Variants in COL14A1 observed in about 807,000 individuals in gnomAD.
COL14A1 encodes the protein collagen type XIV alpha 1 chain.
Under a neutral mutation model 230.3 loss-of-function variants are expected in COL14A1, and 136 were observed. The observed-to-expected ratio is 0.59, with a 90% confidence interval of 0.51 to 0.68. COL14A1 has a LOEUF of 0.68. Ranked by LOEUF, COL14A1 falls within the 30% of genes least tolerant of loss-of-function variation. The pLI is 0.00. For synonymous variants in COL14A1, 792 were observed against 784.1 expected, an observed-to-expected ratio of 1.01 and a Z score of -0.17; for missense variants, 1,976 against 2,215.8, an observed-to-expected ratio of 0.89 and a Z score of 2.17.
chr8:120,186,814 A>G (rs1816668550), intron 5 of COL14A1, among the ~76,000 whole-genome samples: 1 of 152,228 alleles, frequency 6.6e-6, no homozygotes, highest in Non-Finnish European at 1.5e-5. Flanking sequence ...ACACTGATGT[A>G]CTGTATGTCA....
At chr8:120,229,768 C>A (rs1463526610) in intron 18 of COL14A1, among the ~76,000 whole-genome samples, 1 of 152,206 alleles carries the variant, frequency 6.6e-6, no homozygotes, top group Non-Finnish European at 1.5e-5. Flanking sequence ...TCCTCTCCAG[C>A]ACCTGTTGTT....
At chr8:120,234,024 G>T (rs1818362281) in intron 19 of COL14A1, among the ~76,000 whole-genome samples, 1 of 152,108 alleles carries the variant, frequency 6.6e-6, no homozygotes, top group Non-Finnish European at 1.5e-5. Flanking sequence ...CCTTGAAGAG[G>T]TCCTTCACAT....
rs1822290638 is a variant in COL14A1 at position 120,341,343 on chromosome 8, G to A, written c.4804G>A (p.Gly1602Arg). 1 of 1,614,150 alleles carries A rather than the reference G, an allele frequency of 6.2e-7. No individual in the cohort carries two copies. ...TATACAGGGTGTCCCTGGAGCAAAG[G>A]GGGAACGAGGAGAGCGGGTAAGTAT... is the stretch of plus-strand genomic sequence containing the variant. ...LGPPGVPGAKGERGERGDLQS... is the reference protein window; with the variant it reads ...LGPPGVPGAKRERGERGDLQS... The change falls in exon 43 of 48, where the codon GGG (glycine) becomes AGG (arginine). Residue 1602 changes from glycine to arginine, a missense_variant. Gly to Arg is a moderately radical substitution (Grantham distance 125, BLOSUM62 -2). Coordinates refer to ENST00000297848, the MANE Select transcript of COL14A1 (RefSeq NM_021110.4).
intron 2 of COL14A1, among the ~76,000 whole-genome samples, chr8:120,151,639 CAAAAAAAAAAA>C (rs59123417): frequency 1.3e-5 from 1 of 78,580 alleles, no homozygotes; most frequent in South Asian, 5.1e-4. Context: ...GACTCCGTCT[CAAAAAAAAAAA>C]AAAAAAAAAA....
At chr8:120,306,342 G>C (rs1820858125) in intron 36 of COL14A1, among the ~76,000 whole-genome samples, 1 of 152,088 alleles carries the variant, frequency 6.6e-6, no homozygotes, top group Non-Finnish European at 1.5e-5. Flanking sequence ...AAAGGGAAGG[G>C]TTGAGCTTTG....
chr8:120,237,685 A>C (rs182597255), intron 19 of COL14A1, among the ~76,000 whole-genome samples: 5 of 152,270 alleles, frequency 3.3e-5, no homozygotes, highest in Admixed American at 1.3e-4. Context: ...TTGGAGGAGA[A>C]GGGGCATTCT....
intron 7 of COL14A1, among the ~76,000 whole-genome samples, chr8:120,198,844 G>T (rs1490165459): frequency 6.6e-6 from 1 of 152,130 alleles, no homozygotes; most frequent in East Asian, 1.9e-4. Flanking sequence ...GCAAAGTCTC[G>T]TGGAATTTTT....
At chr8:120,182,309 C>T (rs930251009) in intron 5 of COL14A1, among the ~76,000 whole-genome samples, 4 of 152,176 alleles carry the variant, frequency 2.6e-5, no homozygotes, top group Admixed American at 6.5e-5. Context: ...GCTTCTCTTA[C>T]TTGTAACTTC....
chr8:120,332,557 A>G, intron 41 of COL14A1, 107 bp from the exon 42 acceptor site: 3 of 884,334 alleles, frequency 3.4e-6, no homozygotes, highest in Non-Finnish European at 5.3e-6. Context: ...GATGAGGGGG[A>G]GGGAAGCTAT....
At chr8:120,208,382 C>A (rs1191994368) in intron 11 of COL14A1, 21 bp downstream of exon 11, 3 of 1,607,312 alleles carry the variant, frequency 1.9e-6, no homozygotes, top group African/African-American at 2.7e-5. Context: ...AATTCTACCC[C>A]ACTTCTAACT....
intron 1 of COL14A1, among the ~76,000 whole-genome samples, chr8:120,132,113 G>T (rs1814551003): frequency 6.6e-6 from 1 of 152,072 alleles, no homozygotes; most frequent in South Asian, 2.1e-4. Context: ...CTCCCAAAGT[G>T]CTGGGATTAC....
intron 28 of COL14A1, among the ~76,000 whole-genome samples, chr8:120,278,906 T>C (rs10107257): frequency 0.65 from 98,718 of 151,306 alleles, 33,147 homozygotes; most frequent in African/African-American, 0.83. Flanking sequence ...TACCCAAATG[T>C]CCATCGATGA....
At chr8:120,300,705 G>T (rs1820683279) in intron 35 of COL14A1, 27 bp from the exon 36 acceptor site, 1 of 1,571,040 alleles carries the variant, frequency 6.4e-7, no homozygotes, top group Non-Finnish European at 8.7e-7. Context: ...GCATGCTAAT[G>T]GTTGTGCTTT....
At chr8:120,217,978 A>AAT in intron 14 of COL14A1, among the ~76,000 whole-genome samples, 1 of 139,846 alleles carries the variant, frequency 7.2e-6, no homozygotes, top group East Asian at 2.0e-4. Flanking sequence ...TTAAATATAT[A>AAT]ATATATATTT....
At chr8:120,132,371 T>C (rs1814560228) in intron 1 of COL14A1, among the ~76,000 whole-genome samples, 1 of 152,262 alleles carries the variant, frequency 6.6e-6, no homozygotes, top group African/African-American at 2.4e-5. Context: ...TGGTTGTAGG[T>C]GTGTGACTTT....
At chr8:120,302,495 G>T (rs926980888) in intron 36 of COL14A1, among the ~76,000 whole-genome samples, 1 of 152,238 alleles carries the variant, frequency 6.6e-6, no homozygotes, top group South Asian at 2.1e-4. Flanking sequence ...ATTGAATAGG[G>T]AATCCTTTCT....
chr8:120,163,763 G>A (rs1815772223), intron 4 of COL14A1, among the ~76,000 whole-genome samples: 1 of 151,502 alleles, frequency 6.6e-6, no homozygotes, highest in African/African-American at 2.4e-5. Flanking sequence ...AACTCCATCT[G>A]AAAAACAAAA....
chr8:120,354,135 A>G (rs7827333), intron 45 of COL14A1, among the ~76,000 whole-genome samples: 40,950 of 94,826 alleles, frequency 0.43, 8,821 homozygotes, highest in African/African-American at 0.66. Flanking sequence ...GTAAACTATC[A>G]CAAGAACAAA....
chr8:120,240,909 C>G (rs1171563264), intron 19 of COL14A1, among the ~76,000 whole-genome samples: 1 of 152,144 alleles, frequency 6.6e-6, no homozygotes, highest in Non-Finnish European at 1.5e-5. Flanking sequence ...GATTGACTTT[C>G]AACTCTGTCT....
Sources: allele counts gnomAD v4.1 joint callset (sites outside exome capture counted in the v4.1 genomes callset), GRCh38; gene constraint gnomAD v4.1.1; transcripts MANE v1.5; gene names NCBI Gene and HGNC (gene_info 2026-07-23, HGNC 2026-07-21).